Variants in PPARGC1B observed in about 807,000 individuals in gnomAD.
PPARGC1B encodes PPARG coactivator 1 beta.
A neutral mutation model predicts 101.6 loss-of-function variants in PPARGC1B; 34 were observed. The ratio of observed to expected loss-of-function variants is 0.33; its 90% CI spans 0.25 to 0.45. The LOEUF (loss-of-function observed/expected upper bound fraction) is 0.45, where lower values mean the gene tolerates loss of function less well. Ranked by LOEUF, PPARGC1B falls within the 20% of genes least tolerant of loss-of-function variation. The pLI is 1.00. For missense variants in PPARGC1B, 1,234 were observed against 1,317.6 expected (o/e 0.94, Z 0.98); for synonymous variants, 548 against 539.3 (o/e 1.02, Z -0.22).
chr5:149,796,099 A>C (rs1490987823), intron 1 of PPARGC1B, among the ~76,000 whole-genome samples: 1 of 152,150 alleles, frequency 6.6e-6, no homozygotes, highest in Non-Finnish European at 1.5e-5. Flanking sequence ...TCTGGACAGA[A>C]CTAACAAGGC....
chr5:149,856,112 AAAAT>A (rs1759942706), downstream of PPARGC1B, among the ~76,000 whole-genome samples: 6 of 152,232 alleles, frequency 3.9e-5, no homozygotes, highest in South Asian at 1.0e-3. Context: ...ACTCCATCTC[AAAAT>A]AAATAAATAA....
chr5:149,801,738 C>G (rs564191058), intron 1 of PPARGC1B, among the ~76,000 whole-genome samples: 1 of 152,230 alleles, frequency 6.6e-6, no homozygotes, highest in African/African-American at 2.4e-5. Context: ...CTATGGCTGC[C>G]ATTGACGTGT....
At position 149,808,749 on chromosome 5, in the gene PPARGC1B, C is replaced by T. The variant is rs117628579; in HGVS notation, c.79-11684C>T. Among the ~76,000 whole-genome samples, 87 of 152,216 alleles carry T rather than the reference C, an allele frequency of 5.7e-4. 2 individuals are homozygous for T. In the East Asian group the frequency reaches 0.016, roughly 27 times the overall value. ...CAAGACACTCATTTTGTTTCTTGAA[C>T]GCATGTTTATTGAGCACCTACTATG... On this transcript the variant is annotated intron_variant, in intron 1 of 11. Coordinates refer to ENST00000309241, the MANE Select transcript of PPARGC1B (RefSeq NM_133263.4).
intron 1 of PPARGC1B, among the ~76,000 whole-genome samples, chr5:149,802,064 C>T (rs1014101173): frequency 2.6e-5 from 4 of 152,208 alleles, no homozygotes; most frequent in Admixed American, 1.3e-4. Context: ...CCCTGACCCC[C>T]GAGCTCCTCT....
Position 149,847,793 on chromosome 5 carries a change from G to A in PPARGC1B, c.*235G>A. On this transcript the variant is annotated 3_prime_UTR_variant, in exon 12 of 12. Transcript: ENST00000309241. The stretch of plus-strand genomic sequence containing the variant: ...GTTGACGTTCCACTGCCACATTAGT[G>A]TCCTCGCTTCCAACGGGTTGTCCCG... 2 of 528,658 alleles carry A rather than the reference G, an allele frequency of 3.8e-6. No homozygotes were observed. The highest frequency in any genetic ancestry group is 6.7e-6 in the Non-Finnish European group (2 of 296,412). The allele number at this position is 528,658 out of a possible 1,614,324, so 32.7% of individuals were successfully genotyped here. A position where few individuals can be genotyped will look rare whatever the true frequency, so the allele number is the denominator to read the frequency against.
chr5:149,835,837 C>T (rs923258118), intron 7 of PPARGC1B, among the ~76,000 whole-genome samples: 3 of 152,198 alleles, frequency 2.0e-5, no homozygotes, highest in African/African-American at 7.2e-5. Context: ...GATTCCCAGC[C>T]TACCTCCAGG....
intron 1 of PPARGC1B, among the ~76,000 whole-genome samples, chr5:149,790,789 C>T (rs1048520559): frequency 3.3e-5 from 5 of 152,244 alleles, no homozygotes; most frequent in African/African-American, 1.2e-4. Context: ...GTGAAACATG[C>T]AGATTCCTGG....
At chr5:149,842,775 G>A (rs550466359) in intron 10 of PPARGC1B, among the ~76,000 whole-genome samples, 9 of 152,332 alleles carry the variant, frequency 5.9e-5, no homozygotes, top group South Asian at 2.1e-4. Flanking sequence ...GATAGTGCGG[G>A]GCAGCAGCCC....
intron 1 of PPARGC1B, among the ~76,000 whole-genome samples, chr5:149,796,217 G>A (rs1383831417): frequency 6.6e-6 from 1 of 152,168 alleles, no homozygotes; most frequent in Non-Finnish European, 1.5e-5. Context: ...GCAGTCGGTG[G>A]AGTAGGGGGG....
intron 1 of PPARGC1B, among the ~76,000 whole-genome samples, chr5:149,812,638 C>T (rs189619955): frequency 1.1e-4 from 17 of 152,288 alleles, no homozygotes; most frequent in Admixed American, 7.2e-4. Flanking sequence ...TTGGATCTGC[C>T]GTCCCTGCTC....
In PPARGC1B at chr5:149,784,852, C is replaced by T. The variant is rs561177451; in HGVS notation, c.79-35581C>T. On this transcript the variant is annotated intron_variant, in intron 1 of 11. Coordinates refer to ENST00000309241, the MANE Select transcript of PPARGC1B (RefSeq NM_133263.4). ...AAAGTGCTGGGATTACAGGCGTGAGCCACCGCGCCCGGTCCAGCCAACTGA... is the reference window on the plus strand; with the variant it reads ...AAAGTGCTGGGATTACAGGCGTGAGTCACCGCGCCCGGTCCAGCCAACTGA... 1.4e-4 allele frequency among the ~76,000 whole-genome samples: 22 copies of T among 152,128 alleles called. No individual in the cohort carries two copies. In the South Asian group the frequency reaches 2.1e-3, roughly 14 times the overall value.
Position 149,830,475 on chromosome 5 carries a change from CG to C in PPARGC1B, c.466-291del, listed in dbSNP as rs528156714. Among the ~76,000 whole-genome samples, 58 of 152,184 alleles carry C rather than the reference CG, an allele frequency of 3.8e-4. 1 individual carries two copies. In the South Asian group the frequency reaches 9.5e-3, roughly 25 times the overall value. ...ATATTTTAACAGTAGAATAGACAGACGTTACCCAAGACCTGCTTGAGTTTTT... is the reference window on the plus strand; with the variant it reads ...ATATTTTAACAGTAGAATAGACAGACTTACCCAAGACCTGCTTGAGTTTTT... On this transcript the variant is annotated intron_variant, in intron 3 of 11. Transcript: ENST00000309241.
At chr5:149,801,525 G>A (rs753279512) in intron 1 of PPARGC1B, among the ~76,000 whole-genome samples, 20 of 152,204 alleles carry the variant, frequency 1.3e-4, no homozygotes, top group Non-Finnish European at 2.5e-4. Flanking sequence ...AGTGGCAGTA[G>A]GGAGTGGGTG....
chr5:149,739,396 T>C (rs1281117458), intron 1 of PPARGC1B, among the ~76,000 whole-genome samples: 1 of 152,216 alleles, frequency 6.6e-6, no homozygotes, highest in Non-Finnish European at 1.5e-5. Context: ...GTTAGGTCAG[T>C]TGCTCAGGGT....
chr5:149,742,357 A>T (rs917591304), intron 1 of PPARGC1B, among the ~76,000 whole-genome samples: 46 of 152,222 alleles, frequency 3.0e-4, no homozygotes, highest in African/African-American at 9.2e-4. Context: ...CCCCTCTCAG[A>T]ACTGGCCCTT....
chr5:149,836,929 CAG>C lies in PPARGC1B; in HGVS notation c.2475_2476del (p.Val827GlnfsTer6), dbSNP rs1456456870. ...GAGGAGGACGATGAAGAAGAGGACT[CAG>C]GGGTCAGCCCCACTTGCTCTGACCA... On this transcript the variant is annotated frameshift_variant, in exon 8 of 12. Coordinates refer to ENST00000309241, the MANE Select transcript of PPARGC1B (RefSeq NM_133263.4). LOFTEE classifies it high-confidence loss of function. The C allele has an allele frequency of 2.5e-6, 4 of 1,613,852 alleles. No homozygotes were observed. Among genetic ancestry groups the C allele is most frequent in the Non-Finnish European group, 3.4e-6 (4 of 1,180,010 alleles).
chr5:149,833,376 G>A lies in PPARGC1B; in HGVS notation c.1303G>A (p.Glu435Lys). 8 of 1,613,434 alleles carry A rather than the reference G, an allele frequency of 5.0e-6. No homozygotes were observed. The highest frequency in any genetic ancestry group is 6.8e-6 in the Non-Finnish European group (8 of 1,179,932). The part of the protein sequence containing the change: ...RLQQQEEEDE[E>K]EEEEEEEEEK... Reference sequence around the variant, plus strand: ...GCAGCAGCAGGAGGAGGAAGACGAGGAAGAAGAGGAGGAGGAAGAGGAAGA... The same window carrying A: ...GCAGCAGCAGGAGGAGGAAGACGAGAAAGAAGAGGAGGAGGAAGAGGAAGA... The change falls in exon 5 of 12, where the codon GAA (glutamate) becomes AAA (lysine). Residue 435 changes from glutamate to lysine, a missense_variant. Around this residue, in one of 3 missense-constraint regions of PPARGC1B, gnomAD observed 734 missense variants for 768.4 expected, o/e 0.96. Coordinates refer to ENST00000309241, the MANE Select transcript of PPARGC1B (RefSeq NM_133263.4). This position sits in a 1 kb window ranked among gnomAD's most constrained non-coding sequence, Gnocchi z 4.1.
intron 1 of PPARGC1B, among the ~76,000 whole-genome samples, chr5:149,791,321 A>C (rs1241765857): frequency 6.6e-6 from 1 of 151,912 alleles, no homozygotes; most frequent in Non-Finnish European, 1.5e-5. Context: ...TATTAAAAAA[A>C]CTGATTCTAT....
At position 149,833,408 on chromosome 5, in the gene PPARGC1B, A is replaced by AGAGGAG. The variant is rs775851646; in HGVS notation, c.1345_1350dup (p.Glu449_Glu450dup). ...AGGAGGAGGAAGAGGAAGAAGAAAA[A>AGAGGAG]GAGGAGGAGGAGGAGTGGGGCAGGA... On this transcript the variant is annotated inframe_insertion, in exon 5 of 12. Transcript: ENST00000309241. The surrounding 1 kb of genome is among the most constrained non-coding windows in gnomAD (Gnocchi z 4.1). 1 of 1,603,050 alleles carries AGAGGAG rather than the reference A, an allele frequency of 6.2e-7. No individual in the cohort carries two copies. Among genetic ancestry groups the AGAGGAG allele is most frequent in the African/African-American group, 1.3e-5 (1 of 74,584 alleles).
Sources: allele counts gnomAD v4.1 joint callset (sites outside exome capture counted in the v4.1 genomes callset), GRCh38; gene constraint gnomAD v4.1.1; regional missense constraint gnomAD v4.1.1; non-coding constraint Gnocchi (gnomAD v3.1); transcripts MANE v1.5; gene names NCBI Gene and HGNC (gene_info 2026-07-23, HGNC 2026-07-21).